The following HPSE2 variants were observed in gnomAD, a reference collection of about 807,000 sequenced individuals.
HPSE2 encodes inactive heparanase-2.
A neutral mutation model predicts 60.5 loss-of-function variants in HPSE2; 38 were observed. That is an observed-to-expected ratio of 0.63 (90% confidence interval 0.48 to 0.82). The LOEUF (loss-of-function observed/expected upper bound fraction) is 0.82. HPSE2 is among the 40% of genes least tolerant of loss of function. HPSE2 has a pLI of 0.00. For synonymous variants in HPSE2, 295 were observed against 293.2 expected (o/e 1.01, Z -0.06); for missense variants, 713 against 740.4 (o/e 0.96, Z 0.43).
chr10:99,074,607 T>C (rs144612107), intron 3 of HPSE2, among the ~76,000 whole-genome samples: 26 of 152,270 alleles, frequency 1.7e-4, no homozygotes, highest in African/African-American at 6.0e-4. Flanking sequence ...TTCAATGTTT[T>C]TGGACGAGTT....
At chr10:98,908,001 T>G (rs964415892) in intron 3 of HPSE2, among the ~76,000 whole-genome samples, 5 of 152,306 alleles carry the variant, frequency 3.3e-5, no homozygotes, top group African/African-American at 1.2e-4. Flanking sequence ...AGAACACTCA[T>G]TATCAAGTTC....
At chr10:99,176,157 G>A (rs1290160885) in intron 2 of HPSE2, among the ~76,000 whole-genome samples, 1 of 152,106 alleles carries the variant, frequency 6.6e-6, no homozygotes, top group Non-Finnish European at 1.5e-5. Flanking sequence ...ATCCATGAAG[G>A]TGAGGAAAAA....
chr10:99,031,462 G>C (rs1957497170), intron 3 of HPSE2, among the ~76,000 whole-genome samples: 1 of 152,164 alleles, frequency 6.6e-6, no homozygotes, highest in Admixed American at 6.6e-5. Flanking sequence ...ATCTCAAGGA[G>C]TTAGTGAATA....
At chr10:99,055,066 T>C (rs1411133561) in intron 3 of HPSE2, among the ~76,000 whole-genome samples, 1 of 152,122 alleles carries the variant, frequency 6.6e-6, no homozygotes, top group Non-Finnish European at 1.5e-5. Context: ...ATTCACCAGA[T>C]ACATAAGAAA....
chr10:98,849,750 C>T (rs926965116), intron 3 of HPSE2, among the ~76,000 whole-genome samples: 1 of 151,952 alleles, frequency 6.6e-6, no homozygotes, highest in Non-Finnish European at 1.5e-5. Context: ...TTAAGCTCCT[C>T]GATTTTTTTT....
Position 99,081,659 on chromosome 10 carries a change from C to T in HPSE2, c.610+62579G>A, listed in dbSNP as rs188525208. Among the ~76,000 whole-genome samples, 39 of 151,012 alleles carry T rather than the reference C, an allele frequency of 2.6e-4. 1 individual carries two copies. The highest frequency in any genetic ancestry group is 5.8e-4 in the African/African-American group (24 of 41,080). Reference sequence around the variant, plus strand: ...TTCTTTTTATTTTTTTTTTTAAAGACGGAATCTCGCTCTGTCACCCAGGCT... The same window carrying T: ...TTCTTTTTATTTTTTTTTTTAAAGATGGAATCTCGCTCTGTCACCCAGGCT... On this transcript the variant is annotated intron_variant, in intron 3 of 11. Coordinates refer to ENST00000370552, the MANE Select transcript of HPSE2 (RefSeq NM_021828.5).
At chr10:99,153,342 A>C (rs1365064518) in intron 2 of HPSE2, among the ~76,000 whole-genome samples, 1 of 152,232 alleles carries the variant, frequency 6.6e-6, no homozygotes, top group African/African-American at 2.4e-5. Flanking sequence ...CTGCAGACTT[A>C]AATGTCCCTG....
At chr10:98,897,804 C>T (rs1953537417) in intron 3 of HPSE2, among the ~76,000 whole-genome samples, 1 of 151,894 alleles carries the variant, frequency 6.6e-6, no homozygotes, top group Non-Finnish European at 1.5e-5. Context: ...TTAGATAAAA[C>T]ACCAAAAGCA....
the HPSE2 span, among the ~76,000 whole-genome samples, chr10:99,252,353 C>T: frequency 6.6e-6 from 1 of 151,748 alleles, no homozygotes; most frequent in Non-Finnish European, 1.5e-5. Context: ...AAAAGTCATC[C>T]AAATAGGGGA....
At chr10:99,099,611 A>C (rs892847800) in intron 3 of HPSE2, among the ~76,000 whole-genome samples, 1 of 152,224 alleles carries the variant, frequency 6.6e-6, no homozygotes, top group African/African-American at 2.4e-5. Flanking sequence ...CTGCAGATTT[A>C]AATGTCCCTG....
At chr10:98,567,748 G>GGTGTGT (rs57706769) in intron 9 of HPSE2, among the ~76,000 whole-genome samples, 163 of 151,316 alleles carry the variant, frequency 1.1e-3, no homozygotes, top group African/African-American at 3.7e-3. Flanking sequence ...ACAAATGGAT[G>GGTGTGT]GTGTGTGTGT....
intron 2 of HPSE2, among the ~76,000 whole-genome samples, chr10:99,211,205 A>G (rs1009718958): frequency 2.6e-5 from 4 of 152,278 alleles, no homozygotes; most frequent in Admixed American, 2.6e-4. Flanking sequence ...ATATTTAACC[A>G]AACAGGTAAA....
chr10:98,581,090 G>A (rs1349566871), intron 9 of HPSE2, among the ~76,000 whole-genome samples: 1 of 151,546 alleles, frequency 6.6e-6, no homozygotes, highest in Non-Finnish European at 1.5e-5. Flanking sequence ...ATAGGTGCGT[G>A]CCAACACGCC....
chr10:99,190,085 G>A (rs547967137), intron 2 of HPSE2, among the ~76,000 whole-genome samples: 26 of 152,262 alleles, frequency 1.7e-4, no homozygotes, highest in African/African-American at 6.0e-4. Flanking sequence ...ACTTTATGGG[G>A]CAACCATGTA....
At chr10:98,551,022 G>A (rs1485167960) in intron 9 of HPSE2, among the ~76,000 whole-genome samples, 1 of 152,164 alleles carries the variant, frequency 6.6e-6, no homozygotes, top group Non-Finnish European at 1.5e-5. Flanking sequence ...GCATCAAACA[G>A]TATAGCACAT....
At chr10:98,774,179 C>T (rs1950295690) in intron 3 of HPSE2, among the ~76,000 whole-genome samples, 1 of 152,056 alleles carries the variant, frequency 6.6e-6, no homozygotes, top group African/African-American at 2.4e-5. Context: ...TATCTATACA[C>T]ACATACACAG....
At chr10:99,222,352 G>A (rs1849342633) in intron 2 of HPSE2, among the ~76,000 whole-genome samples, 1 of 152,068 alleles carries the variant, frequency 6.6e-6, no homozygotes, top group Non-Finnish European at 1.5e-5. Context: ...GTCTATAGCT[G>A]TGTTCCCTAC....
intron 3 of HPSE2, among the ~76,000 whole-genome samples, chr10:99,083,047 T>G (rs1472220455): frequency 6.6e-6 from 1 of 152,122 alleles, no homozygotes; most frequent in Non-Finnish European, 1.5e-5. Flanking sequence ...ATCTGGGGAA[T>G]TGAGAAGATG....
intron 6 of HPSE2, among the ~76,000 whole-genome samples, chr10:98,685,439 C>T (rs535425799): frequency 7.9e-5 from 12 of 152,212 alleles, no homozygotes; most frequent in East Asian, 3.9e-4. Context: ...ATCCCTACCC[C>T]GACACTCACT....
Sources: gnomAD v4.1 joint callset for allele counts (sites outside exome capture counted in the v4.1 genomes callset) on GRCh38, gnomAD v4.1.1 for gene constraint, MANE v1.5 for transcripts, NCBI Gene and HGNC (gene_info 2026-07-23, HGNC 2026-07-21) for gene names.